Variants in BCL2L12 observed in about 807,000 individuals in gnomAD.
BCL2L12 encodes the protein bcl-2-like protein 12.
A neutral mutation model predicts 25.7 loss-of-function variants in BCL2L12; 27 were observed. The ratio of observed to expected loss-of-function variants is 1.05; its 90% CI spans 0.78 to 1.45. The LOEUF is 1.45. Ranked by LOEUF, BCL2L12 falls within the 40% of genes most tolerant of loss-of-function variation. BCL2L12 has a pLI of 0.00. For missense variants in BCL2L12, 302 were observed against 329.8 expected (o/e 0.92, Z 0.65); for synonymous variants, 132 against 145.6 (o/e 0.91, Z 0.67).
chr19:49,665,748 C>T, upstream of BCL2L12: 1 of 1,524,942 alleles, frequency 6.6e-7, no homozygotes, highest in Non-Finnish European at 8.8e-7. Context: ...CTCTAGAGCG[C>T]TGGGGCTTTC....
In BCL2L12 at chr19:49,672,230, G is replaced by T. The variant is rs2081975297; in HGVS notation, c.703-1468G>T. On this transcript the variant is annotated intron_variant, in intron 6 of 6. Coordinates refer to ENST00000246784, the MANE Select transcript of BCL2L12 (RefSeq NM_138639.2). This position sits in a 1 kb window ranked among gnomAD's most constrained non-coding sequence, Gnocchi z 4.1. ...AGCACCGTCTCATTTACCTGCCTTG[G>T]GGGGTCGCTGTGGGTATTCACTGAG... The T allele has an allele frequency of 6.6e-6, 1 of 152,504 alleles. No individual in the cohort carries two copies. Among genetic ancestry groups the T allele is most frequent in the Admixed American group, 6.5e-5 (1 of 15,278 alleles). The allele number at this position is 152,504 out of a possible 1,614,324, so 9.4% of individuals were successfully genotyped here.
At chr19:49,669,260 G>T (rs2081898703) in intron 5 of BCL2L12, 145 bp downstream of exon 5, 2 of 1,445,218 alleles carry the variant, frequency 1.4e-6, no homozygotes, top group Non-Finnish European at 1.8e-6. Flanking sequence ...TTGAGGCCGG[G>T]TGTGGTGGCT....
At position 49,670,449 on chromosome 19, in the gene BCL2L12, GCACAGCTT is replaced by G; in HGVS notation, c.667_674del (p.Ser223AlafsTer36). 1.3e-6 allele frequency: 2 copies of G among 1,539,096 alleles called. No individual in the cohort carries two copies. Among genetic ancestry groups the G allele is most frequent in the Non-Finnish European group, 1.7e-6 (2 of 1,145,758 alleles). On this transcript the variant is annotated frameshift_variant, in exon 6 of 7. Transcript: ENST00000246784. LOFTEE classifies it high-confidence loss of function. ...TGGCCGGACTCAGCGTGGAGCACGT[GCACAGCTT>G]CACGCCCTGGATCCAGGCCCACGGG... is the stretch of plus-strand genomic sequence containing the variant.
intron 6 of BCL2L12, among the ~76,000 whole-genome samples, chr19:49,671,054 G>A (rs2081952557): frequency 6.6e-6 from 1 of 152,068 alleles, no homozygotes. Flanking sequence ...CCCAGCTACC[G>A]AGGAGACTGA....
At chr19:49,673,567 TG>T in intron 6 of BCL2L12, 130 bp from the exon 7 acceptor site, 1 of 754,030 alleles carries the variant, frequency 1.3e-6, no homozygotes, top group Non-Finnish European at 2.4e-6. Context: ...TCCCCTTGTC[TG>T]GGTGTCTGTC....
Position 49,672,455 on chromosome 19 carries a change from C to T in BCL2L12, c.703-1243C>T, listed in dbSNP as rs1439601340. Among the ~76,000 whole-genome samples the T allele has an allele frequency of 6.6e-6, 1 of 152,168 alleles. No individual in the cohort carries two copies. Among genetic ancestry groups the T allele is most frequent in the East Asian group, 1.9e-4 (1 of 5,206 alleles). On this transcript the variant is annotated intron_variant, in intron 6 of 6. Coordinates refer to ENST00000246784, the MANE Select transcript of BCL2L12 (RefSeq NM_138639.2). This position sits in a 1 kb window ranked among gnomAD's most constrained non-coding sequence, Gnocchi z 4.1. Reference sequence around the variant, plus strand: ...AACTCGGACTTTGACTCTGGGTAAGCCAAGGTCTCTGAGCAGCGGAGGGAC... The same window carrying T: ...AACTCGGACTTTGACTCTGGGTAAGTCAAGGTCTCTGAGCAGCGGAGGGAC...
At chr19:49,671,852 G>T (rs956303831) in intron 6 of BCL2L12, among the ~76,000 whole-genome samples, 3 of 152,050 alleles carry the variant, frequency 2.0e-5, no homozygotes, top group African/African-American at 7.3e-5. Context: ...GTGGGCTCTG[G>T]TTTCACCCCC....
intron 3 of BCL2L12, 37 bp from the exon 4 acceptor site, chr19:49,668,814 T>G (rs1488347185): frequency 6.4e-7 from 1 of 1,568,164 alleles, no homozygotes; most frequent in South Asian, 1.1e-5. Flanking sequence ...AAGTTTCCAA[T>G]GTCCTGGAAA....
chr19:49,668,772 G>C (rs576797114), intron 3 of BCL2L12, 79 bp from the exon 4 acceptor site: 5 of 1,362,540 alleles, frequency 3.7e-6, no homozygotes, highest in Admixed American at 2.0e-5. Context: ...ATTGCCACCT[G>C]CCAAGGTAGT....
upstream of BCL2L12, chr19:49,665,165 G>T (rs760585682): frequency 3.2e-5 from 10 of 314,874 alleles, no homozygotes; most frequent in Non-Finnish European, 5.4e-5. Flanking sequence ...CACTTTCAGG[G>T]TAGCATCCTC....
chr19:49,667,969 G>C (rs1046476131), intron 3 of BCL2L12, among the ~76,000 whole-genome samples: 5 of 151,984 alleles, frequency 3.3e-5, no homozygotes, highest in Admixed American at 3.3e-4. Flanking sequence ...TAGTAGACAC[G>C]GGGTTTCGCC....
intron 6 of BCL2L12, 50 bp from the exon 7 acceptor site, chr19:49,673,648 G>T (rs374701507): frequency 1.6e-4 from 236 of 1,476,762 alleles, no homozygotes; most frequent in Non-Finnish European, 2.1e-4. Flanking sequence ...GCTGCTGTAT[G>T]GGGGGAACAC....
intron 3 of BCL2L12, 67 bp downstream of exon 3, chr19:49,667,228 C>T: frequency 1.3e-6 from 2 of 1,579,656 alleles, no homozygotes; most frequent in South Asian, 1.1e-5. Flanking sequence ...TTTAAGATCA[C>T]TCAGCTAGGG....
chr19:49,665,573 C>T (rs967198603), upstream of BCL2L12: 5 of 512,008 alleles, frequency 9.8e-6, no homozygotes, highest in African/African-American at 5.7e-5. Flanking sequence ...GACCCATCCT[C>T]TTTCCCGCTC....
chr19:49,665,660 G>A (rs1032844247), upstream of BCL2L12: 1 of 929,464 alleles, frequency 1.1e-6, no homozygotes, highest in South Asian at 1.7e-5. Context: ...CGTGCGGGCA[G>A]CTGGAACCCA....
chr19:49,670,491 G>T lies in BCL2L12; in HGVS notation c.702+3G>T. On this transcript the variant is annotated splice_donor_region_variant and intron_variant, in intron 6 of 6. Coordinates refer to ENST00000246784, the MANE Select transcript of BCL2L12 (RefSeq NM_138639.2). ...GGATCCAGGCCCACGGGGGCTGGGT[G>T]AGCCGCTGAAGCCTCTCTCTCCGGG... The T allele has an allele frequency of 6.5e-7, 1 of 1,537,292 alleles. No homozygotes were observed. The highest frequency in any genetic ancestry group is 1.2e-5 in the South Asian group (1 of 82,614).
intron 6 of BCL2L12, among the ~76,000 whole-genome samples, chr19:49,670,961 A>G (rs562175076): frequency 6.6e-6 from 1 of 151,616 alleles, no homozygotes; most frequent in African/African-American, 2.4e-5. Context: ...GGAGTTTGAG[A>G]CCAGCTGGCC....
chr19:49,666,576 C>A, intron 1 of BCL2L12, 109 bp from the exon 2 acceptor site: 1 of 767,634 alleles, frequency 1.3e-6, no homozygotes, highest in African/African-American at 1.8e-5. Flanking sequence ...CCAAAGGACC[C>A]AGGAGTCCAG....
Position 49,673,766 on chromosome 19 carries a change from G to A in BCL2L12, c.*18G>A, listed in dbSNP as rs779789710. 1.9e-6 allele frequency: 3 copies of A among 1,613,980 alleles called. No homozygotes were observed. Among genetic ancestry groups the A allele is most frequent in the Non-Finnish European group, 2.5e-6 (3 of 1,179,850 alleles). The stretch of plus-strand genomic sequence containing the variant: ...TGGACTGAGCTCTTTCTCAGAAGCT[G>A]CTACAAGATGACACCTCATGTCCCT... On this transcript the variant is annotated 3_prime_UTR_variant, in exon 7 of 7. Transcript: ENST00000246784.
Sources: gnomAD v4.1 joint callset for allele counts (sites outside exome capture counted in the v4.1 genomes callset) on GRCh38, gnomAD v4.1.1 for gene constraint, Gnocchi (gnomAD v3.1) non-coding constraint, MANE v1.5 for transcripts, NCBI Gene and HGNC (gene_info 2026-07-23, HGNC 2026-07-21) for gene names.